The following TTN variants were observed in gnomAD, a reference collection of about 807,000 sequenced individuals.
TTN encodes the protein connectin.
TTN carries 1,525 observed loss-of-function variants against 3,223.0 expected under a neutral mutation model. The observed-to-expected ratio is 0.47, with a 90% CI of 0.45 to 0.49. TTN has a LOEUF of 0.49. TTN is among the 20% of genes least tolerant of loss of function. The pLI is 0.00. For missense variants in TTN, 40,786 were observed against 43,424.0 expected (o/e 0.94, Z 5.40); for synonymous variants, 14,094 against 15,161.0 (o/e 0.93, Z 5.17).
chr2:178,677,337 T>TATAC (rs749145492), intron 146 of TTN, 50 bp from the exon 147 acceptor site: 3 of 240,998 alleles, frequency 1.2e-5, no homozygotes, highest in South Asian at 1.8e-4. Context: ...TACATGGTCA[T>TATAC]ATATATATAT....
intron 111 of TTN, among the ~76,000 whole-genome samples, chr2:178,699,538 A>T (rs1011297671): frequency 7.0e-6 from 1 of 142,512 alleles, no homozygotes; most frequent in African/African-American, 2.6e-5. Flanking sequence ...CAGCCTCCCG[A>T]GTAGCTGGGA....
Position 178,593,970 on chromosome 2 carries a change from T to G in TTN, c.58423A>C (p.Asn19475His). 6.2e-7 allele frequency: 1 copy of G among 1,613,380 alleles called. No individual in the cohort carries two copies. The highest frequency in any genetic ancestry group is 8.5e-7 in the Non-Finnish European group (1 of 1,179,628). ...ACTAAATAAGACTTACCAACAACAT[T>G]AACTTGACAGAAACCTTTCCTAGAG... ...TGSRKGFCQV[N>H]VVDRPGPPVG... The change falls in exon 297 of 363, where the codon AAT (asparagine) becomes CAT (histidine). Residue 19475 changes from asparagine to histidine, a missense_variant. Asn to His is a moderately conservative substitution (Grantham distance 68). Transcript: ENST00000589042.
chr2:178,637,016 C>T lies in TTN; in HGVS notation c.40928-217G>A, dbSNP rs2060519603. Among the ~76,000 whole-genome samples, 4 of 151,286 alleles carry T rather than the reference C, an allele frequency of 2.6e-5. No individual in the cohort carries two copies. In the South Asian group the frequency reaches 8.4e-4, roughly 32 times the overall value. The stretch of plus-strand genomic sequence containing the variant: ...TCCATGAATAATAAATGTCCCTTTT[C>T]TCAAGTTTTAATCTGAAGTATAAAA... On this transcript the variant is annotated intron_variant, in intron 224 of 362. Transcript: ENST00000589042.
intron 58 of TTN, 21 bp from the exon 59 acceptor site, chr2:178,731,604 C>A: frequency 1.3e-6 from 2 of 1,580,002 alleles, no homozygotes; most frequent in South Asian, 2.4e-5. Context: ...AATGAATTCT[C>A]AATCAATATT....
chr2:178,580,083 A>T lies in TTN; in HGVS notation c.67204T>A (p.Ser22402Thr). 6.2e-7 allele frequency: 1 copy of T among 1,613,366 alleles called. No individual in the cohort carries two copies. Among genetic ancestry groups the T allele is most frequent in the Non-Finnish European group, 8.5e-7 (1 of 1,179,486 alleles). Residue 22402 changes from serine (S) to threonine (T), a missense_variant, in exon 318 of 363, where the codon TCT becomes ACT. Ser to Thr is a moderately conservative substitution (Grantham distance 58). Transcript: ENST00000589042. ...TTGGAGCACTCAGTTGTCACTGTAG[A>T]CCAGGATTTCCTCTCTGCATCACGT... The part of the protein sequence containing the change: ...QKRDAERKSW[S>T]TVTTECSKTS...
rs2047352976 is a variant in TTN at position 178,580,050 on chromosome 2, A to G, written c.67237T>C (p.Phe22413Leu). 3.1e-6 allele frequency: 5 copies of G among 1,613,296 alleles called. No individual in the cohort carries two copies. In the South Asian group the frequency reaches 3.3e-5, roughly 11 times the overall value. The change falls in exon 318 of 363, where the codon TTC (phenylalanine) becomes CTC (leucine). Residue 22413 changes from phenylalanine (F) to leucine (L), a missense_variant. Phe to Leu is a conservative substitution (Grantham distance 22, BLOSUM62 0). Transcript: ENST00000589042. ...TVTTECSKTS[F>L]RVANLEEGKS... is the part of the protein sequence containing the mutation. The stretch of plus-strand genomic sequence containing the variant: ...CCCTCCTCCAAATTAGCTACTCTGA[A>G]GCTTGTTTTGGAGCACTCAGTTGTC...
intron 126 of TTN, among the ~76,000 whole-genome samples, chr2:178,688,433 G>A (rs577387714): frequency 6.6e-6 from 1 of 152,316 alleles, no homozygotes; most frequent in East Asian, 1.9e-4. Flanking sequence ...ATGTCCAAGT[G>A]TGGCCACTTT....
Position 178,559,834 on chromosome 2 carries a change from G to C in TTN, c.86298C>G (p.Val28766=). 1 of 1,610,756 alleles carries C rather than the reference G, an allele frequency of 6.2e-7. No individual in the cohort carries two copies. The highest frequency in any genetic ancestry group is 8.5e-7 in the Non-Finnish European group (1 of 1,179,628). ...TCATGGTAAATGAGGCACCAGCCTT[G>C]ACAATCAAGGTCTTCCTCATTTCAC... ...IDSEMRKTLI[V]KAGASFTMTV... is the part of the protein sequence containing the mutation. Residue 28766 remains valine (V), a synonymous_variant, in exon 326 of 363, where the codon GTC becomes GTG. Coordinates refer to ENST00000589042, the MANE Select transcript of TTN (RefSeq NM_001267550.2).
intron 354 of TTN, 131 bp downstream of exon 354, chr2:178,538,409 G>A: frequency 1.2e-6 from 1 of 828,650 alleles, no homozygotes; most frequent in Middle Eastern, 2.7e-4. Flanking sequence ...TTTCCTGTGT[G>A]TGTACTTGCT....
rs767641332 is a variant in TTN at position 178,547,752 on chromosome 2, T to C, written c.93874A>G (p.Asn31292Asp). 1.1e-5 allele frequency: 17 copies of C among 1,613,940 alleles called. 1 individual carries two copies. Among genetic ancestry groups the C allele is most frequent in the Non-Finnish European group, 1.4e-5 (16 of 1,179,850 alleles). Residue 31292 changes from asparagine to aspartate, a missense_variant, in exon 339 of 363, where the codon AAT becomes GAT. By Grantham distance (23) the Asn-to-Asp change is conservative (BLOSUM62 1). Coordinates refer to ENST00000589042, the MANE Select transcript of TTN (RefSeq NM_001267550.2). ...DSGRYFLTLENTAGVKTFSVT... is the reference protein window; with the variant it reads ...DSGRYFLTLEDTAGVKTFSVT... ...CTAAATGTTTTAACACCAGCTGTAT[T>C]TTCCAGGGTCAAGAAGTATCTTCCA...
Position 178,583,622 on chromosome 2 carries a change from T to C in TTN, c.65560A>G (p.Ile21854Val). ...AGAATCTTACCATTTTCTGCGAGGA[T>C]AGTCACTGGATCAGAAGGTTCAGAA... ...PPSEPSDPVT[I>V]LAENVPPRID... Residue 21854 changes from isoleucine (I) to valine (V), a missense_variant, in exon 312 of 363, where the codon ATC (isoleucine) becomes GTC (valine). Transcript: ENST00000589042. 6.2e-7 allele frequency: 1 copy of C among 1,602,842 alleles called. No homozygotes were observed. Among genetic ancestry groups the C allele is most frequent in the Non-Finnish European group, 8.5e-7 (1 of 1,172,582 alleles).
rs182960252 is a variant in TTN, at chr2:178,733,157, T to C, written c.16055-36A>G. 4.3e-5 allele frequency: 67 copies of C among 1,564,046 alleles called. No individual in the cohort carries two copies. In the African/African-American group the frequency reaches 4.5e-4, roughly 10 times the overall value. ...CACAAGAAGGGAGAAAAGGTCAATA[T>C]AGAAGAGTGCTCAGTGATTGACTTT... On this transcript the variant is annotated intron_variant, in intron 54 of 362. Transcript: ENST00000589042.
chr2:178,730,269 T>G lies in TTN; in HGVS notation c.18131A>C (p.Lys6044Thr), dbSNP rs2080198775. 1 of 1,613,036 alleles carries G rather than the reference T, an allele frequency of 6.2e-7. No homozygotes were observed. The highest frequency in any genetic ancestry group is 8.5e-7 in the Non-Finnish European group (1 of 1,179,480). The change falls in exon 62 of 363, where the codon AAG (lysine) becomes ACG (threonine). Residue 6044 changes from lysine to threonine, a missense_variant. Coordinates refer to ENST00000589042, the MANE Select transcript of TTN (RefSeq NM_001267550.2). ...TAACTCTTTGTTATCTTTAAACCAC[T>G]TTATTGTCATGGGTGCAGTGCCACC... The part of the protein sequence containing the change: ...LVGGTAPMTI[K>T]WFKDNKELHS...
In TTN at chr2:178,569,706, C is replaced by T. The variant is rs868426391; in HGVS notation, c.76426G>A (p.Glu25476Lys). ...IEVEKLLEKH[E>K]YNFRICAINK... ...ATAGCACAGATACGGAAGTTGTATT[C>T]ATGCTTTTCCAACAGCTTCTCTACT... The change falls in exon 326 of 363, where the codon GAA becomes AAA. Residue 25476 changes from glutamate to lysine, a missense_variant. Physicochemically the swap from Glu to Lys is moderately conservative, Grantham distance 56. Transcript: ENST00000589042. 2 of 1,613,032 alleles carry T rather than the reference C, an allele frequency of 1.2e-6. No homozygotes were observed.
rs773892971 is a variant in TTN, at chr2:178,617,935, C to A, written c.47416G>T (p.Asp15806Tyr). 6 of 1,612,724 alleles carry A rather than the reference C, an allele frequency of 3.7e-6. No homozygotes were observed. Among genetic ancestry groups the A allele is most frequent in the South Asian group, 3.3e-5 (3 of 91,054 alleles). ...ELRDKTSIRW[D>Y]TAMTVRAEDL... ...TCAGCTCTCACAGTCATGGCAGTAT[C>A]CCACCTGATAGAAGTCTTGTCTCTT... Residue 15806 changes from aspartate to tyrosine, a missense_variant, in exon 253 of 363, where the codon GAT (aspartate) becomes TAT (tyrosine). Coordinates refer to ENST00000589042, the MANE Select transcript of TTN (RefSeq NM_001267550.2).
chr2:178,560,930 C>T lies in TTN; in HGVS notation c.85202G>A (p.Arg28401Lys). Residue 28401 changes from arginine (R) to lysine (K), a missense_variant, in exon 326 of 363, where the codon AGA becomes AAA. Physicochemically the swap from Arg to Lys is conservative, Grantham distance 26 (BLOSUM62 2). Transcript: ENST00000589042. The stretch of plus-strand genomic sequence containing the variant: ...TGTTGAGATGATTTCTGTTCTTGCT[C>T]TTTCTTCAATTTCTATACCATCCTT... ...WAKDGIEIEERARTEIISTDN... is the reference protein window; with the variant it reads ...WAKDGIEIEEKARTEIISTDN... 1 of 1,613,794 alleles carries T rather than the reference C, an allele frequency of 6.2e-7. No individual in the cohort carries two copies. Among genetic ancestry groups the T allele is most frequent in the Non-Finnish European group, 8.5e-7 (1 of 1,179,824 alleles).
intron 99 of TTN, among the ~76,000 whole-genome samples, chr2:178,708,639 A>T (rs2076216711): frequency 6.6e-6 from 1 of 152,226 alleles, no homozygotes; most frequent in Admixed American, 6.5e-5. Flanking sequence ...AATCATGAAG[A>T]TAAGCCACTG....
intron 43 of TTN, among the ~76,000 whole-genome samples, chr2:178,763,955 A>G (rs1367865511): frequency 6.6e-6 from 1 of 152,212 alleles, no homozygotes; most frequent in Non-Finnish European, 1.5e-5. Context: ...GTGATAAAGA[A>G]CACATAACAT....
intron 47 of TTN, chr2:178,745,828 A>G (rs1372302252): frequency 7.4e-6 from 12 of 1,613,288 alleles, no homozygotes; most frequent in South Asian, 1.1e-5. Flanking sequence ...CTATTGGTGC[A>G]TAACAGTCAG....
Sources: allele counts gnomAD v4.1 joint callset (sites outside exome capture counted in the v4.1 genomes callset), GRCh38; gene constraint gnomAD v4.1.1; transcripts MANE v1.5; gene names NCBI Gene and HGNC (gene_info 2026-07-23, HGNC 2026-07-21).